FAM209A: variants seen among roughly 807,000 people sequenced by gnomAD.
The protein encoded by FAM209A is family with sequence similarity 209 member A, also known as protein FAM209A.
FAM209A carries 4 observed loss-of-function variants against 9.8 expected under a neutral mutation model. The ratio of observed to expected loss-of-function variants is 0.41; its 90% confidence interval spans 0.20 to 0.94. The LOEUF (loss-of-function observed/expected upper bound fraction) is 0.94. Ranked by LOEUF, FAM209A falls within the 40% of genes least tolerant of loss-of-function variation. The pLI is 0.32. For synonymous variants in FAM209A, 55 were observed against 77.8 expected (o/e 0.71, Z 1.54); for missense variants, 205 against 209.4 (o/e 0.98, Z 0.13).
chr20:56,530,091 C>CCCAT (rs1318369069), downstream of FAM209A, among the ~76,000 whole-genome samples: 1 of 150,668 alleles, frequency 6.6e-6, no homozygotes, highest in Non-Finnish European at 1.5e-5. Context: ...CAACCATCCA[C>CCCAT]CCATCCATCC....
At chr20:56,526,418 C>G (rs1359023655), downstream of FAM209A, among the ~76,000 whole-genome samples, 2 of 152,106 alleles carry the variant, frequency 1.3e-5, no homozygotes, top group South Asian at 4.1e-4. Context: ...CTCTCTATAG[C>G]ATCTATTTGT....
downstream of FAM209A, among the ~76,000 whole-genome samples, chr20:56,527,531 A>G (rs1985585017): frequency 6.6e-6 from 1 of 152,204 alleles, no homozygotes; most frequent in African/African-American, 2.4e-5. Context: ...GCAGGCCCAC[A>G]GGTCCCAGGA....
the FAM209A span, chr20:56,533,227 C>T: frequency 6.4e-7 from 1 of 1,553,862 alleles, no homozygotes; most frequent in Non-Finnish European, 8.7e-7. Context: ...CCAGGGTGGC[C>T]TCAGCTCAGG....
In FAM209A at chr20:56,525,918, G is replaced by C. The variant is rs1169987196; in HGVS notation, c.364G>C (p.Glu122Gln). The C allele has an allele frequency of 6.2e-7, 1 of 1,614,060 alleles. No homozygotes were observed. The highest frequency in any genetic ancestry group is 1.3e-5 in the African/African-American group (1 of 74,918). The part of the protein sequence containing the change: ...AFNTLMELEV[E>Q]LMKFVSKVRN... ...CAATACCTTAATGGAACTCGAGGTG[G>C]AGCTTATGAAATTTGTGTCCAAAGT... Residue 122 changes from glutamate (E) to glutamine (Q), a missense_variant, in exon 2 of 2, where the codon GAG becomes CAG. Physicochemically the swap from Glu to Gln is conservative, Grantham distance 29. Transcript: ENST00000371328.
the FAM209A span, among the ~76,000 whole-genome samples, chr20:56,532,967 C>T: frequency 1.3e-5 from 2 of 152,286 alleles, 1 homozygote; most frequent in South Asian, 4.1e-4. Flanking sequence ...TAACTCAGCT[C>T]CACGGGGCAC....
At chr20:56,529,095 C>A (rs893330151), downstream of FAM209A, among the ~76,000 whole-genome samples, 17 of 151,970 alleles carry the variant, frequency 1.1e-4, no homozygotes, top group South Asian at 2.1e-4. Context: ...GTAATCCCAG[C>A]TACTTGGGAG....
downstream of FAM209A, among the ~76,000 whole-genome samples, chr20:56,528,932 G>A (rs749412337): frequency 5.3e-5 from 8 of 152,184 alleles, no homozygotes; most frequent in Admixed American, 1.3e-4. Context: ...AAGAAGACCC[G>A]GCATGGTGGC....
downstream of FAM209A, among the ~76,000 whole-genome samples, chr20:56,528,145 C>A (rs112708032): frequency 2.6e-5 from 4 of 151,492 alleles, no homozygotes; most frequent in African/African-American, 9.7e-5. Context: ...TACCCAGGTG[C>A]GGTGCTGTGC....
the FAM209A span, among the ~76,000 whole-genome samples, chr20:56,531,428 A>G: frequency 6.7e-6 from 1 of 150,368 alleles, no homozygotes; most frequent in African/African-American, 2.5e-5. Context: ...CCTCCCGAGT[A>G]GCTGGGATTA....
At chr20:56,527,310 C>T (rs1275844686), downstream of FAM209A, among the ~76,000 whole-genome samples, 2 of 152,092 alleles carry the variant, frequency 1.3e-5, no homozygotes, top group Non-Finnish European at 2.9e-5. Context: ...GCCCCTTCCT[C>T]TTTTGAGCAA....
At chr20:56,533,358 C>A in the FAM209A span, 8 of 1,614,012 alleles carry the variant, frequency 5.0e-6, no homozygotes, top group Non-Finnish European at 6.8e-6. Flanking sequence ...ACGCTGAAAT[C>A]GTCCCTGGTC....
downstream of FAM209A, among the ~76,000 whole-genome samples, chr20:56,528,833 A>G (rs1334627191): frequency 6.6e-6 from 1 of 152,214 alleles, no homozygotes; most frequent in African/African-American, 2.4e-5. Context: ...TCAGTCTGTT[A>G]ATATGAGAGC....
At chr20:56,530,152 C>T (rs1417897707), downstream of FAM209A, among the ~76,000 whole-genome samples, 3 of 151,844 alleles carry the variant, frequency 2.0e-5, no homozygotes, top group Non-Finnish European at 2.9e-5. Context: ...ATCTACCCAC[C>T]CACCCATCCA....
the FAM209A span, chr20:56,533,168 C>A: frequency 1.4e-6 from 2 of 1,475,862 alleles, no homozygotes; most frequent in African/African-American, 2.8e-5. Context: ...GTCCTCCTCC[C>A]GGGCGACTCC....
At chr20:56,531,535 A>G in the FAM209A span, among the ~76,000 whole-genome samples, 1 of 151,836 alleles carries the variant, frequency 6.6e-6, no homozygotes, top group Non-Finnish European at 1.5e-5. Flanking sequence ...TCTCGACCTT[A>G]GGTGATCCAC....
At chr20:56,532,934 G>A in the FAM209A span, among the ~76,000 whole-genome samples, 3 of 152,148 alleles carry the variant, frequency 2.0e-5, no homozygotes, top group Non-Finnish European at 1.5e-5. Flanking sequence ...GTAGCCTGTG[G>A]TTTAATATCT....
the FAM209A span, chr20:56,533,362 C>T: frequency 0.065 from 104,722 of 1,614,004 alleles, 3,730 homozygotes; most frequent in Middle Eastern, 0.083. Flanking sequence ...TGAAATCGTC[C>T]CTGGTCCTGC....
In FAM209A at chr20:56,526,087, G is replaced by C. The variant is rs767900120; in HGVS notation, c.*17G>C. 6.4e-7 allele frequency: 1 copy of C among 1,555,282 alleles called. No individual in the cohort carries two copies. Among genetic ancestry groups the C allele is most frequent in the African/African-American group, 1.4e-5 (1 of 72,490 alleles). On this transcript the variant is annotated 3_prime_UTR_variant, in exon 2 of 2. Transcript: ENST00000371328. Reference sequence around the variant, plus strand: ...TCTAGCTGAATGGATTTGTGTGTCAGGAGAGAAAAAAGTTGAGTGTTGACA... The same window carrying C: ...TCTAGCTGAATGGATTTGTGTGTCACGAGAGAAAAAAGTTGAGTGTTGACA...
At chr20:56,532,373 A>G in the FAM209A span, among the ~76,000 whole-genome samples, 1 of 151,904 alleles carries the variant, frequency 6.6e-6, no homozygotes, top group East Asian at 1.9e-4. Flanking sequence ...GAATATGGCC[A>G]CAGGATGGAT....
Sources: gnomAD v4.1 joint callset for allele counts (sites outside exome capture counted in the v4.1 genomes callset) on GRCh38, gnomAD v4.1.1 for gene constraint, MANE v1.5 for transcripts, NCBI Gene and HGNC (gene_info 2026-07-23, HGNC 2026-07-21) for gene names.